NHSL2: variants seen among roughly 807,000 people sequenced by gnomAD.
NHSL2 encodes NHS-like protein 2.
NHSL2 carries 27 observed loss-of-function variants against 53.4 expected under a neutral mutation model. The observed-to-expected ratio is 0.51, with a 90% CI of 0.37 to 0.70. NHSL2 has a LOEUF of 0.70. Ranked by LOEUF, NHSL2 falls within the 30% of genes least tolerant of loss-of-function variation. NHSL2 has a pLI of 0.00. For missense variants in NHSL2, 892 were observed against 980.1 expected, an observed-to-expected ratio of 0.91 and a Z score of 1.20; for synonymous variants, 408 against 404.1, an observed-to-expected ratio of 1.01 and a Z score of -0.12.
Position 72,130,131 on chromosome X carries a change from C to T in NHSL2, c.281-1948C>T, listed in dbSNP as rs2042272230. 6 of 1,210,969 alleles carry T rather than the reference C, an allele frequency of 5.0e-6. No individual in the cohort carries two copies. The East Asian group carries it at 1.8e-4, about 36-fold the overall frequency. ...ATGACGCGTGAACAAAGGTCGGCTC[C>T]ATCTCCATCAGCTCATCTAGGTCAT... On this transcript the variant is annotated intron_variant, in intron 1 of 7. Transcript: ENST00000633930.
In NHSL2 at chrX:72,140,339, A is replaced by T. The variant is rs780603204; in HGVS notation, c.2791A>T (p.Ser931Cys). 8.3e-7 allele frequency: 1 copy of T among 1,211,246 alleles called. No homozygotes were observed. Among genetic ancestry groups the T allele is most frequent in the South Asian group, 1.8e-5 (1 of 56,933 alleles). The stretch of plus-strand genomic sequence containing the variant: ...GGTAGTGCGGAAACCAAAGCCCTCC[A>T]GCTTCCCAGATGGCAGAAGCCCAGG... Reference protein sequence around the residue: ...YTVVRKPKPSSFPDGRSPGES... With the variant: ...YTVVRKPKPSCFPDGRSPGES... Residue 931 changes from serine (S) to cysteine (C), a missense_variant, in exon 6 of 8, where the codon AGC becomes TGC. Ser to Cys is a moderately radical substitution (Grantham distance 112, BLOSUM62 -1). Coordinates refer to ENST00000633930, the MANE Select transcript of NHSL2 (RefSeq NM_001013627.3).
intron 1 of NHSL2, among the ~76,000 whole-genome samples, chrX:72,111,545 C>A (rs965572376): frequency 1.5e-4 from 17 of 112,220 alleles, no homozygotes; most frequent in Non-Finnish European, 1.9e-5. Context: ...TAGACTGAGT[C>A]TTAGCTCAGT....
chrX:71,963,974 C>CACATATATAT (rs1556312124), intron 1 of NHSL2, among the ~76,000 whole-genome samples: 1 of 47,968 alleles, frequency 2.1e-5, no homozygotes, highest in Non-Finnish European at 3.4e-5. Flanking sequence ...TATATATATA[C>CACATATATAT]ATATATATAT....
At chrX:72,068,184 G>A (rs1018337897) in intron 1 of NHSL2, among the ~76,000 whole-genome samples, 13 of 111,908 alleles carry the variant, frequency 1.2e-4, no homozygotes, top group Non-Finnish European at 5.6e-5. Flanking sequence ...TCTCCCCAAC[G>A]CTCACACAGA....
At chrX:71,987,957 A>G (rs1211681112) in intron 1 of NHSL2, among the ~76,000 whole-genome samples, 2 of 112,282 alleles carry the variant, frequency 1.8e-5, no homozygotes, top group African/African-American at 6.5e-5. Context: ...TATAACATGA[A>G]ACCCCAAATT....
intron 1 of NHSL2, among the ~76,000 whole-genome samples, chrX:72,016,618 C>G (rs757702970): frequency 9.0e-6 from 1 of 111,135 alleles, no homozygotes; most frequent in Admixed American, 9.6e-5. Flanking sequence ...GGGGCCTGCA[C>G]GAAAGATGTT....
rs1297613506 is a variant in NHSL2, at chrX:72,139,752, T to C, written c.2204T>C (p.Leu735Ser). 2 of 1,210,642 alleles carry C rather than the reference T, an allele frequency of 1.7e-6. No individual in the cohort carries two copies. The highest frequency in any genetic ancestry group is 4.4e-5 in the Admixed American group (2 of 45,947). The change falls in exon 6 of 8, where the codon TTA (leucine) becomes TCA (serine). Residue 735 changes from leucine (L) to serine (S), a missense_variant. Physicochemically the swap from Leu to Ser is moderately radical, Grantham distance 145. Transcript: ENST00000633930. ...TCCATGTCCCTGACCCTGGGCCACT[T>C]ACCCCCTCCAAGCAGCAGTGTCCGG... ...TVSMSLTLGHLPPPSSSVRVR... is the reference protein window; with the variant it reads ...TVSMSLTLGHSPPPSSSVRVR...
chrX:72,088,850 C>T (rs1041091267), intron 1 of NHSL2, among the ~76,000 whole-genome samples: 3 of 112,376 alleles, frequency 2.7e-5, no homozygotes, highest in African/African-American at 9.7e-5. Context: ...TTCATTGGTG[C>T]GTTGGCCTCA....
At chrX:71,964,634 A>G (rs760363973) in intron 1 of NHSL2, among the ~76,000 whole-genome samples, 15 of 111,635 alleles carry the variant, frequency 1.3e-4, no homozygotes, top group Middle Eastern at 4.6e-3. Context: ...TCAGTATTTG[A>G]GATTTGTTCT....
chrX:71,937,734 G>A (rs1021777326), intron 1 of NHSL2, among the ~76,000 whole-genome samples: 28 of 111,883 alleles, frequency 2.5e-4, no homozygotes, highest in Non-Finnish European at 4.9e-4. Flanking sequence ...TGTGTTATTG[G>A]TCAGGATGAA....
chrX:71,911,160 C>T lies in NHSL2; in HGVS notation c.73C>T (p.Leu25Phe). 2 of 1,130,238 alleles carry T rather than the reference C, an allele frequency of 1.8e-6. No individual in the cohort carries two copies. The highest frequency in any genetic ancestry group is 2.3e-6 in the Non-Finnish European group (2 of 859,416). 93.1% of individuals were successfully genotyped at this position (1,130,238 alleles called of 1,213,427 possible). The change falls in exon 1 of 8, where the codon CTC becomes TTC. Residue 25 changes from leucine to phenylalanine, a missense_variant. By Grantham distance (22) the Leu-to-Phe change is conservative. Transcript: ENST00000633930. Reference sequence around the variant, plus strand: ...CAACCCGCCGCAGCAGCTGGCGGAGCTCCGCGACGTGAGCCACCTGGCAGC... The same window carrying T: ...CAACCCGCCGCAGCAGCTGGCGGAGTTCCGCGACGTGAGCCACCTGGCAGC... Reference protein sequence around the residue: ...PRNPPQQLAELRDVSHLAALS... With the variant: ...PRNPPQQLAEFRDVSHLAALS...
At chrX:72,056,550 G>GCTCA (rs1491292782) in intron 1 of NHSL2, among the ~76,000 whole-genome samples, 1 of 105,749 alleles carries the variant, frequency 9.5e-6, no homozygotes, top group African/African-American at 3.9e-5. Flanking sequence ...TTTAACGTCT[G>GCTCA]CGCACACACA....
intron 1 of NHSL2, among the ~76,000 whole-genome samples, chrX:72,117,960 G>A (rs943115507): frequency 9.1e-6 from 1 of 110,141 alleles, no homozygotes; most frequent in Non-Finnish European, 1.9e-5. Flanking sequence ...GTGGACATAT[G>A]TTTCCAATTC....
At chrX:72,036,120 T>C (rs1484721464) in intron 1 of NHSL2, among the ~76,000 whole-genome samples, 1 of 112,337 alleles carries the variant, frequency 8.9e-6, no homozygotes, top group African/African-American at 3.2e-5. Context: ...AAAATTGTCT[T>C]CCATGAAACC....
intron 1 of NHSL2, among the ~76,000 whole-genome samples, chrX:72,010,239 T>C (rs2042110194): frequency 8.9e-6 from 1 of 111,840 alleles, no homozygotes; most frequent in African/African-American, 3.3e-5. Context: ...ATTTCCAAAT[T>C]AGGAGGCTCA....
At chrX:72,135,815 C>T (rs1193583059) in intron 4 of NHSL2, among the ~76,000 whole-genome samples, 1 of 111,551 alleles carries the variant, frequency 9.0e-6, no homozygotes, top group African/African-American at 3.3e-5. Context: ...TGGGTGGATC[C>T]TTTGAGCTCA....
chrX:71,962,610 C>T (rs2041872843), intron 1 of NHSL2, among the ~76,000 whole-genome samples: 1 of 100,141 alleles, frequency 1.0e-5, no homozygotes, highest in African/African-American at 3.6e-5. Flanking sequence ...AGCAATGTCC[C>T]CACTTTCATC....
chrX:72,139,853 C>T lies in NHSL2; in HGVS notation c.2305C>T (p.Leu769=). Residue 769 remains leucine, a synonymous_variant, in exon 6 of 8, where the codon CTA becomes TTA. Coordinates refer to ENST00000633930, the MANE Select transcript of NHSL2 (RefSeq NM_001013627.3). ...SPMEKFPKSR[L]SFDLPLTSSP... The stretch of plus-strand genomic sequence containing the variant: ...AATGGAGAAATTTCCCAAGTCACGG[C>T]TATCATTTGACCTACCACTGACCTC... 3 of 1,210,484 alleles carry T rather than the reference C, an allele frequency of 2.5e-6. No homozygotes were observed. Among genetic ancestry groups the T allele is most frequent in the South Asian group, 3.5e-5 (2 of 56,953 alleles).
At chrX:72,015,216 C>T (rs2042130922) in intron 1 of NHSL2, among the ~76,000 whole-genome samples, 1 of 111,576 alleles carries the variant, frequency 9.0e-6, no homozygotes, top group African/African-American at 3.3e-5. Context: ...TTCTCTCCAC[C>T]TCCTCTCCAG....
Sources: gnomAD v4.1 joint callset for allele counts (sites outside exome capture counted in the v4.1 genomes callset) on GRCh38, gnomAD v4.1.1 for gene constraint, MANE v1.5 for transcripts, NCBI Gene and HGNC (gene_info 2026-07-23, HGNC 2026-07-21) for gene names.